TAFA4: variants seen among roughly 807,000 people sequenced by gnomAD.
The protein encoded by TAFA4 is TAFA chemokine like family member 4.
A neutral mutation model predicts 21.1 loss-of-function variants in TAFA4; 20 were observed. The observed-to-expected ratio is 0.95, with a 90% CI of 0.67 to 1.38. The LOEUF is 1.38. Among genes scored for constraint, TAFA4 ranks in the 40% most tolerant of loss-of-function variants. The probability of loss-of-function intolerance (pLI) is 0.00; values close to 1 mark genes in which losing one functional copy is unlikely to be tolerated. For synonymous variants in TAFA4, 71 were observed against 67.4 expected, an observed-to-expected ratio of 1.05 and a Z score of -0.26; for missense variants, 211 against 180.9, an observed-to-expected ratio of 1.17 and a Z score of -0.95.
intron 1 of TAFA4, among the ~76,000 whole-genome samples, chr3:68,892,133 T>C (rs1215239759): frequency 6.6e-6 from 1 of 152,170 alleles, no homozygotes; most frequent in East Asian, 1.9e-4. Context: ...ATCACATATG[T>C]GGAATTACTT....
intron 3 of TAFA4, among the ~76,000 whole-genome samples, chr3:68,866,678 A>AAAAAC (rs2089424321): frequency 1.6e-5 from 2 of 123,746 alleles, no homozygotes; most frequent in Non-Finnish European, 3.5e-5. Flanking sequence ...AAAAAAAAAA[A>AAAAAC]CTCTGCAAAC....
intron 3 of TAFA4, among the ~76,000 whole-genome samples, chr3:68,858,530 T>TA (rs1370096038): frequency 6.6e-6 from 1 of 151,812 alleles, no homozygotes; most frequent in Admixed American, 6.6e-5. Context: ...CAACCGAATA[T>TA]AAAAATATTT....
At chr3:68,921,734 G>A (rs186476450) in intron 1 of TAFA4, among the ~76,000 whole-genome samples, 65 of 152,286 alleles carry the variant, frequency 4.3e-4, no homozygotes, top group Non-Finnish European at 5.7e-4. Flanking sequence ...GTCACCTGCC[G>A]ATAGGATTAC....
chr3:68,804,853 G>A (rs913637559), intron 3 of TAFA4, among the ~76,000 whole-genome samples: 1 of 152,050 alleles, frequency 6.6e-6, no homozygotes, highest in African/African-American at 2.4e-5. Flanking sequence ...AAAAACCCTG[G>A]AAGAAAACCT....
chr3:68,798,638 A>G (rs1047326853), intron 3 of TAFA4, among the ~76,000 whole-genome samples: 9 of 152,222 alleles, frequency 5.9e-5, no homozygotes, highest in Admixed American at 2.0e-4. Context: ...ATTCATATAA[A>G]TGTGTGAATA....
chr3:68,781,421 C>G (rs1559518961), intron 3 of TAFA4, among the ~76,000 whole-genome samples: 1 of 151,636 alleles, frequency 6.6e-6, no homozygotes, highest in Admixed American at 6.6e-5. Context: ...TATGTATTAC[C>G]AATATTAATA....
At chr3:68,883,293 G>A (rs2089637411) in intron 2 of TAFA4, among the ~76,000 whole-genome samples, 1 of 152,202 alleles carries the variant, frequency 6.6e-6, no homozygotes, top group Admixed American at 6.5e-5. Context: ...CTGCTCTCAA[G>A]CCCTTCATGT....
At chr3:68,868,476 C>T (rs2106933174) in intron 3 of TAFA4, among the ~76,000 whole-genome samples, 1 of 152,082 alleles carries the variant, frequency 6.6e-6, no homozygotes, top group East Asian at 1.9e-4. Flanking sequence ...ATGGAACATT[C>T]TCCAGGACAG....
intron 1 of TAFA4, among the ~76,000 whole-genome samples, chr3:68,888,958 C>T (rs968448761): frequency 2.0e-5 from 3 of 152,160 alleles, no homozygotes; most frequent in African/African-American, 4.8e-5. Flanking sequence ...CTTCTAACTT[C>T]AGTACATTCA....
intron 1 of TAFA4, among the ~76,000 whole-genome samples, chr3:68,897,777 C>T (rs1187116583): frequency 2.6e-5 from 4 of 152,156 alleles, no homozygotes; most frequent in Non-Finnish European, 5.9e-5. Context: ...TTCAGATTGT[C>T]CTAAGAGTCT....
intron 3 of TAFA4, among the ~76,000 whole-genome samples, chr3:68,771,869 G>A (rs1390399549): frequency 6.6e-6 from 1 of 152,216 alleles, no homozygotes; most frequent in Non-Finnish European, 1.5e-5. Flanking sequence ...ATCATTTGTA[G>A]TAGCTGGAAT....
At chr3:68,796,418 A>G (rs1428365975) in intron 3 of TAFA4, among the ~76,000 whole-genome samples, 1 of 152,156 alleles carries the variant, frequency 6.6e-6, no homozygotes, top group Non-Finnish European at 1.5e-5. Context: ...TGCAACTATA[A>G]ATATACTGGA....
At chr3:68,844,232 T>TG (rs1205459637) in intron 3 of TAFA4, among the ~76,000 whole-genome samples, 1 of 152,172 alleles carries the variant, frequency 6.6e-6, no homozygotes, top group Non-Finnish European at 1.5e-5. Flanking sequence ...GACTTCTTCC[T>TG]GTTTTAGTCT....
chr3:68,746,542 C>G (rs1702460900), intron 4 of TAFA4, among the ~76,000 whole-genome samples: 1 of 152,248 alleles, frequency 6.6e-6, no homozygotes, highest in South Asian at 2.1e-4. Flanking sequence ...ATTATTATTT[C>G]AAGATTCTGT....
At chr3:68,804,875 T>C (rs1167919145) in intron 3 of TAFA4, among the ~76,000 whole-genome samples, 1 of 152,168 alleles carries the variant, frequency 6.6e-6, no homozygotes, top group Non-Finnish European at 1.5e-5. Flanking sequence ...GGCAATACCA[T>C]TCAGGACATA....
At chr3:68,794,335 T>A (rs144128745) in intron 3 of TAFA4, among the ~76,000 whole-genome samples, 3 of 152,154 alleles carry the variant, frequency 2.0e-5, no homozygotes, top group African/African-American at 7.2e-5. Flanking sequence ...TCTCCTGTCA[T>A]AATTTAAAAA....
At chr3:68,761,549 T>C (rs950554759) in intron 3 of TAFA4, among the ~76,000 whole-genome samples, 1 of 152,082 alleles carries the variant, frequency 6.6e-6, no homozygotes, top group Non-Finnish European at 1.5e-5. Flanking sequence ...GCAGAAACAA[T>C]AAGGAGATGA....
chr3:68,922,213 A>T (rs1317524652), intron 1 of TAFA4, among the ~76,000 whole-genome samples: 1 of 152,238 alleles, frequency 6.6e-6, no homozygotes, highest in Non-Finnish European at 1.5e-5. Flanking sequence ...CAAAGCTTGG[A>T]AGCATCGGCA....
At chr3:68,910,560 G>T (rs2089951928) in intron 1 of TAFA4, among the ~76,000 whole-genome samples, 1 of 152,310 alleles carries the variant, frequency 6.6e-6, no homozygotes, top group East Asian at 1.9e-4. Flanking sequence ...ATATACTTAA[G>T]AATTCTCAAG....
Sources: allele counts gnomAD v4.1 joint callset (sites outside exome capture counted in the v4.1 genomes callset), GRCh38; gene constraint gnomAD v4.1.1; transcripts MANE v1.5; gene names NCBI Gene and HGNC (gene_info 2026-07-23, HGNC 2026-07-21).